MAP7: variants seen among roughly 807,000 people sequenced by gnomAD.
MAP7 encodes the protein microtubule associated protein 7, also known as ensconsin.
In MAP7, 52 loss-of-function variants were observed where a neutral mutation model predicts 94.8. That is an observed-to-expected ratio of 0.55 (90% CI 0.44 to 0.69). The LOEUF (loss-of-function observed/expected upper bound fraction) is 0.69, where lower values mean the gene tolerates loss of function less well. Ranked by LOEUF, MAP7 falls within the 30% of genes least tolerant of loss-of-function variation. The pLI, the probability that MAP7 is intolerant of heterozygous loss-of-function variation, is 0.00. For synonymous variants in MAP7, 350 were observed against 357.0 expected (o/e 0.98, Z 0.22); for missense variants, 940 against 964.6 (o/e 0.97, Z 0.34).
chr6:136,526,014 A>T (rs1426911613), intron 1 of MAP7: 1 of 1,479,618 alleles, frequency 6.8e-7, no homozygotes, highest in East Asian at 2.5e-5. Context: ...TATTAAAAAT[A>T]TATGCTTATG....
intron 1 of MAP7, chr6:136,466,627 AAGATT>A (rs1158438270): frequency 2.7e-6 from 2 of 733,256 alleles, no homozygotes; most frequent in Non-Finnish European, 4.1e-6. Flanking sequence ...TAAAAAAAAA[AAGATT>A]AGAAGATTTC....
intron 1 of MAP7, among the ~76,000 whole-genome samples, chr6:136,531,786 T>C (rs1828489908): frequency 6.6e-6 from 1 of 152,138 alleles, no homozygotes; most frequent in Non-Finnish European, 1.5e-5. Context: ...TCCATAGGCT[T>C]GAACGTGAAT....
intron 1 of MAP7, among the ~76,000 whole-genome samples, chr6:136,516,892 T>C (rs1184626240): frequency 6.7e-6 from 1 of 149,814 alleles, no homozygotes; most frequent in African/African-American, 2.5e-5. Flanking sequence ...TCCATTAGCA[T>C]AGGACATTGC....
intron 1 of MAP7, among the ~76,000 whole-genome samples, chr6:136,537,889 C>G (rs1170794888): frequency 6.6e-6 from 1 of 151,570 alleles, no homozygotes; most frequent in Non-Finnish European, 1.5e-5. Context: ...TCAAGCGATT[C>G]TCCTGCCTCA....
chr6:136,367,416 C>T (rs903300260), intron 8 of MAP7, among the ~76,000 whole-genome samples: 5 of 152,202 alleles, frequency 3.3e-5, no homozygotes, highest in Admixed American at 1.3e-4. Context: ...GTCACATGAA[C>T]TAGTACTGTA....
intron 1 of MAP7, among the ~76,000 whole-genome samples, chr6:136,511,052 T>C (rs1257636456): frequency 6.6e-6 from 1 of 152,152 alleles, no homozygotes; most frequent in Admixed American, 6.5e-5. Context: ...GTGAAGGTCA[T>C]GCAGCATCAA....
intron 1 of MAP7, among the ~76,000 whole-genome samples, chr6:136,447,525 G>C (rs1799707537): frequency 6.6e-6 from 1 of 152,072 alleles, no homozygotes; most frequent in Admixed American, 6.5e-5. Context: ...TTAGAACAAT[G>C]GAGAGTATCA....
intron 8 of MAP7, 93 bp downstream of exon 8, chr6:136,372,408 T>C (rs1398951461): frequency 4.8e-6 from 7 of 1,460,436 alleles, no homozygotes; most frequent in South Asian, 1.3e-5. Context: ...TCTCCCCCTC[T>C]TACGCCCACA....
chr6:136,375,845 T>C (rs1007688457), intron 7 of MAP7, among the ~76,000 whole-genome samples: 3 of 151,976 alleles, frequency 2.0e-5, no homozygotes, highest in East Asian at 3.9e-4. Flanking sequence ...GGTTTGCAGA[T>C]AAAAAAGCAC....
intron 1 of MAP7, among the ~76,000 whole-genome samples, chr6:136,535,483 C>T (rs1828803686): frequency 6.6e-6 from 1 of 152,116 alleles, no homozygotes; most frequent in Admixed American, 6.5e-5. Flanking sequence ...AAAAAAATTA[C>T]ATACAATTCT....
chr6:136,450,224 C>T (rs1800683982), intron 1 of MAP7, among the ~76,000 whole-genome samples: 1 of 152,070 alleles, frequency 6.6e-6, no homozygotes, highest in South Asian at 2.1e-4. Flanking sequence ...TCTGTATAAG[C>T]CTTTTATCCT....
At chr6:136,456,840 AGAAGAAGAG>A (rs1464322702) in intron 1 of MAP7, among the ~76,000 whole-genome samples, 9 of 123,950 alleles carry the variant, frequency 7.3e-5, no homozygotes, top group Admixed American at 1.7e-4. Context: ...AAGAAGAAGA[AGAAGAAGAG>A]GAAGAAGAAG....
intron 5 of MAP7, among the ~76,000 whole-genome samples, chr6:136,386,484 C>A (rs577121296): frequency 4.8e-4 from 73 of 152,204 alleles, no homozygotes; most frequent in African/African-American, 1.6e-3. Context: ...AAAAATTAAG[C>A]TAGGCAGCTT....
At chr6:136,438,937 C>A (rs1182673477) in intron 1 of MAP7, among the ~76,000 whole-genome samples, 1 of 152,142 alleles carries the variant, frequency 6.6e-6, no homozygotes, top group Non-Finnish European at 1.5e-5. Context: ...GTTTCAACCA[C>A]TTTCTCTGCC....
intron 1 of MAP7, among the ~76,000 whole-genome samples, chr6:136,456,791 A>AGAC (rs1803134081): frequency 1.3e-5 from 1 of 74,308 alleles, no homozygotes; most frequent in Non-Finnish European, 3.2e-5. Context: ...AAGAAGAAGA[A>AGAC]GAAGAAGAAG....
At chr6:136,508,533 C>T (rs970682942) in intron 1 of MAP7, among the ~76,000 whole-genome samples, 3 of 152,100 alleles carry the variant, frequency 2.0e-5, no homozygotes, top group African/African-American at 7.2e-5. Context: ...TTTTTGTGAG[C>T]CTAACTGTCC....
intron 1 of MAP7, among the ~76,000 whole-genome samples, chr6:136,538,850 G>A (rs962747753): frequency 4.7e-5 from 7 of 149,286 alleles, no homozygotes; most frequent in African/African-American, 1.2e-4. Flanking sequence ...GGTGTTTAGC[G>A]TGATCACATA....
chr6:136,357,655 C>A (rs762482145), intron 15 of MAP7, among the ~76,000 whole-genome samples: 68 of 152,144 alleles, frequency 4.5e-4, no homozygotes, highest in Admixed American at 1.1e-3. Flanking sequence ...CCAACATGCC[C>A]AGCTAATTAA....
At chr6:136,464,045 C>G (rs1806120569) in intron 1 of MAP7, among the ~76,000 whole-genome samples, 1 of 152,188 alleles carries the variant, frequency 6.6e-6, no homozygotes, top group Admixed American at 6.5e-5. Context: ...GAACGTTGGC[C>G]TCACCCAGGC....
Sources: allele counts gnomAD v4.1 joint callset (sites outside exome capture counted in the v4.1 genomes callset), GRCh38; gene constraint gnomAD v4.1.1; transcripts MANE v1.5; gene names NCBI Gene and HGNC (gene_info 2026-07-23, HGNC 2026-07-21).